The following GEMIN5 variants were observed in gnomAD, a reference collection of about 807,000 sequenced individuals.
GEMIN5 encodes the protein gem nuclear organelle associated protein 5.
A neutral mutation model predicts 176.9 loss-of-function variants in GEMIN5; 124 were observed. The observed-to-expected ratio is 0.70, with a 90% CI of 0.61 to 0.81. The LOEUF (loss-of-function observed/expected upper bound fraction) is 0.81. GEMIN5 is among the 40% of genes least tolerant of loss of function. GEMIN5 has a pLI of 0.00. For synonymous variants in GEMIN5, 673 were observed against 665.2 expected (o/e 1.01, Z -0.18); for missense variants, 1,843 against 1,814.6 (o/e 1.02, Z -0.28).
intron 4 of GEMIN5, 44 bp from the exon 5 acceptor site, chr5:154,931,621 C>T (rs377052187): frequency 1.9e-4 from 284 of 1,519,256 alleles, no homozygotes; most frequent in South Asian, 8.6e-4. Context: ...ACATTAAACA[C>T]GCACTAATAT....
chr5:154,935,749 T>C, intron 3 of GEMIN5, 92 bp downstream of exon 3: 1 of 877,386 alleles, frequency 1.1e-6, no homozygotes, highest in South Asian at 1.6e-5. Context: ...GATGGTTTCC[T>C]TTGAGGAATA....
In GEMIN5 at chr5:154,904,626, G is replaced by T. The variant is rs1224780916; in HGVS notation, c.2513C>A (p.Thr838Asn). The change falls in exon 18 of 28, where the codon ACC becomes AAC. Residue 838 changes from threonine (T) to asparagine (N), a missense_variant. Transcript: ENST00000285873. ...ACGAGCTTTTCTCTTCTTGATTAAG[G>T]TTTCTGAAATTTAATAAAGTACATA... ...KKEPPKEKPE[T>N]LIKKRKARSL... 6.2e-7 allele frequency: 1 copy of T among 1,609,136 alleles called. No individual in the cohort carries two copies. The highest frequency in any genetic ancestry group is 8.5e-7 in the Non-Finnish European group (1 of 1,175,822).
rs930684055 is a variant in GEMIN5, at chr5:154,907,618, C to G, written c.2368G>C (p.Glu790Gln). 1.9e-6 allele frequency: 3 copies of G among 1,613,970 alleles called. No homozygotes were observed. Among genetic ancestry groups the G allele is most frequent in the Non-Finnish European group, 2.5e-6 (3 of 1,179,894 alleles). ...GCTGGAGCAAGGCCACAGGGTAATT[C>G]CGGCTCCCGTGCTTGCTCCTCCCCT... ...QEGEEQAREP[E>Q]LPCGLAPAVS... The change falls in exon 16 of 28, where the codon GAA (glutamate) becomes CAA (glutamine). Residue 790 changes from glutamate (E) to glutamine (Q), a missense_variant. Physicochemically the swap from Glu to Gln is conservative, Grantham distance 29. Transcript: ENST00000285873.
rs200857874 is a variant in GEMIN5, at chr5:154,891,286, G to A, written c.4217C>T (p.Pro1406Leu). The A allele has an allele frequency of 1.7e-5, 27 of 1,613,796 alleles. No individual in the cohort carries two copies. In the East Asian group the frequency reaches 1.8e-4, roughly 11 times the overall value. ...STANGPDKNE[P>L]EVEAEQPLCS... Reference sequence around the variant, plus strand: ...GAGGGGCTGCTCTGCTTCTACTTCCGGTTCATTCTTATCAGGACCATTTGC... The same window carrying A: ...GAGGGGCTGCTCTGCTTCTACTTCCAGTTCATTCTTATCAGGACCATTTGC... Residue 1406 changes from proline to leucine, a missense_variant, in exon 26 of 28, where the codon CCG (proline) becomes CTG (leucine). Physicochemically the swap from Pro to Leu is moderately conservative, Grantham distance 98. Transcript: ENST00000285873.
intron 4 of GEMIN5, 105 bp from the exon 5 acceptor site, chr5:154,931,682 G>T (rs1561730036): frequency 2.4e-6 from 2 of 845,324 alleles, no homozygotes; most frequent in Non-Finnish European, 1.8e-6. Flanking sequence ...TCTTTCATAG[G>T]TCTGAACTAT....
At chr5:154,909,538 T>G in intron 15 of GEMIN5, among the ~76,000 whole-genome samples, 1 of 108,384 alleles carries the variant, frequency 9.2e-6, no homozygotes, top group African/African-American at 3.1e-5. Flanking sequence ...TTTAAATACT[T>G]TGGTACAAAG....
Position 154,896,248 on chromosome 5 carries a change from A to C in GEMIN5, c.3441T>G (p.Thr1147=). 3.1e-6 allele frequency: 5 copies of C among 1,613,838 alleles called. No individual in the cohort carries two copies. Among genetic ancestry groups the C allele is most frequent in the Non-Finnish European group, 4.2e-6 (5 of 1,179,918 alleles). Residue 1147 remains threonine (T), a synonymous_variant, in exon 24 of 28, where the codon ACT becomes ACG. Coordinates refer to ENST00000285873, the MANE Select transcript of GEMIN5 (RefSeq NM_015465.5). ...AAGGCCCTTCGGTGCCCGTGTTCCAAGTGTGGTAAGAGGAGGAGCTTTTGC... is the reference window on the plus strand; with the variant it reads ...AAGGCCCTTCGGTGCCCGTGTTCCACGTGTGGTAAGAGGAGGAGCTTTTGC... The part of the protein sequence containing the change: ...SEGKSSSSYH[T]WNTGTEGPFV...
rs751756878 is a variant in GEMIN5 at position 154,937,933 on chromosome 5, G to A, written c.166+35C>T. On this transcript the variant is annotated intron_variant, in intron 1 of 27. Transcript: ENST00000285873. ...CGGCGCCCCTGGGGAGCGTACAAAG[G>A]GCAGTAAGTCTCGGGCCCAAGGGTG... 1.0e-5 allele frequency: 16 copies of A among 1,527,388 alleles called. 1 individual carries two copies. Among genetic ancestry groups the A allele is most frequent in the South Asian group, 6.1e-5 (5 of 82,102 alleles). The allele number at this position is 1,527,388 out of a possible 1,614,324, so 94.6% of individuals were successfully genotyped here. A position where few individuals can be genotyped will look rare whatever the true frequency, so the allele number is the denominator to read the frequency against.
chr5:154,897,065 A>G (rs1031694934), intron 23 of GEMIN5, among the ~76,000 whole-genome samples: 11 of 152,206 alleles, frequency 7.2e-5, no homozygotes, highest in African/African-American at 2.4e-4. Context: ...ATAAAATGCT[A>G]AACAGTCATT....
chr5:154,927,118 G>T (rs1186045429), intron 7 of GEMIN5, among the ~76,000 whole-genome samples: 2 of 151,804 alleles, frequency 1.3e-5, no homozygotes, highest in East Asian at 3.8e-4. Context: ...CTGTGGGTTG[G>T]ACAAGCTTGA....
rs1410947566 is a variant in GEMIN5 at position 154,908,280 on chromosome 5, A to C, written c.2168-462T>G. Reference sequence around the variant, plus strand: ...ACCGCAACTTCTGCCTCCCAGGTTCAAGCGATTCTCCTGCTTCAGCCTCCT... The same window carrying C: ...ACCGCAACTTCTGCCTCCCAGGTTCCAGCGATTCTCCTGCTTCAGCCTCCT... On this transcript the variant is annotated intron_variant, in intron 15 of 27. Transcript: ENST00000285873. Among the ~76,000 whole-genome samples the C allele has an allele frequency of 2.8e-5, 4 of 143,886 alleles. No individual in the cohort carries two copies. The South Asian group carries it at 8.9e-4, about 32-fold the overall frequency. 94.4% of individuals were successfully genotyped at this position (143,886 alleles called of 152,430 possible). A position where few individuals can be genotyped will look rare whatever the true frequency, so the allele number is the denominator to read the frequency against.
Position 154,899,155 on chromosome 5 carries a change from C to A in GEMIN5, c.3134+36G>T, listed in dbSNP as rs1763414737. The A allele has an allele frequency of 1.9e-6, 3 of 1,576,924 alleles. No homozygotes were observed. The East Asian group carries it at 6.9e-5, about 36-fold the overall frequency. ...CCTCCCCTTCCTGGCAGAAGCTCTC[C>A]TATGTTGGAAGCATCCCTCCACTCC... On this transcript the variant is annotated intron_variant, in intron 22 of 27. Transcript: ENST00000285873.
intron 10 of GEMIN5, among the ~76,000 whole-genome samples, chr5:154,920,359 G>A (rs1015071808): frequency 6.6e-6 from 1 of 152,086 alleles, no homozygotes; most frequent in African/African-American, 2.4e-5. Context: ...CAGTCTTCTG[G>A]TATTCATAAT....
Position 154,937,204 on chromosome 5 carries a change from G to A in GEMIN5, c.167-19C>T, listed in dbSNP as rs372213475. 1.1e-5 allele frequency: 18 copies of A among 1,574,038 alleles called. No homozygotes were observed. The highest frequency in any genetic ancestry group is 5.4e-5 in the Admixed American group (3 of 55,628). On this transcript the variant is annotated intron_variant, in intron 1 of 27. Transcript: ENST00000285873. ...CCTATGACTTTAAGCAAAACCAGACGCTAGGTTAATCGAAGTGCTATCCAA... is the reference window on the plus strand; with the variant it reads ...CCTATGACTTTAAGCAAAACCAGACACTAGGTTAATCGAAGTGCTATCCAA...
chr5:154,931,100 T>C (rs185806114), intron 5 of GEMIN5, among the ~76,000 whole-genome samples: 51 of 152,380 alleles, frequency 3.3e-4, no homozygotes, highest in Admixed American at 5.9e-4. Flanking sequence ...TCTGCATTTG[T>C]GCATTAAAAG....
intron 5 of GEMIN5, among the ~76,000 whole-genome samples, chr5:154,928,869 C>T (rs1764100340): frequency 6.6e-6 from 1 of 152,018 alleles, no homozygotes; most frequent in Non-Finnish European, 1.5e-5. Flanking sequence ...ACTAGTCTAG[C>T]TACATTTAGG....
intron 24 of GEMIN5, among the ~76,000 whole-genome samples, chr5:154,895,001 C>T (rs1448047908): frequency 6.6e-6 from 1 of 151,180 alleles, no homozygotes; most frequent in East Asian, 2.0e-4. Context: ...ATTGCTTGAA[C>T]CTGGGAGGCG....
intron 9 of GEMIN5, 92 bp from the exon 10 acceptor site, chr5:154,921,517 T>A: frequency 1.5e-6 from 1 of 680,602 alleles, no homozygotes; most frequent in Admixed American, 2.9e-5. Flanking sequence ...GTCCCCATTA[T>A]AAACATAACT....
chr5:154,920,042 T>C lies in GEMIN5; in HGVS notation c.1524A>G (p.Leu508=), dbSNP rs767452000. 1 of 1,609,386 alleles carries C rather than the reference T, an allele frequency of 6.2e-7. No individual in the cohort carries two copies. The highest frequency in any genetic ancestry group is 1.1e-5 in the South Asian group (1 of 91,008). Residue 508 remains leucine, a synonymous_variant, in exon 11 of 28, where the codon TTA becomes TTG. Coordinates refer to ENST00000285873, the MANE Select transcript of GEMIN5 (RefSeq NM_015465.5). ...CACTAAGCTTCCAGGGATTATGCTG[T>C]AAGACAATCCCTTCTCCTCCACAGC... ...LYSCGGEGIV[L]QHNPWKLSGE... is the part of the protein sequence containing the mutation.
Sources: allele counts gnomAD v4.1 joint callset (sites outside exome capture counted in the v4.1 genomes callset), GRCh38; gene constraint gnomAD v4.1.1; transcripts MANE v1.5; gene names NCBI Gene and HGNC (gene_info 2026-07-23, HGNC 2026-07-21).